TGFBR2: variants seen among roughly 807,000 people sequenced by gnomAD.
The protein encoded by TGFBR2 is transforming growth factor beta receptor 2.
In TGFBR2, 18 loss-of-function variants were observed where a neutral mutation model predicts 49.0. The observed-to-expected ratio is 0.37, with a 90% confidence interval of 0.25 to 0.54. The LOEUF (loss-of-function observed/expected upper bound fraction) is 0.54. TGFBR2 is among the 20% of genes least tolerant of loss of function. TGFBR2 has a pLI of 0.85. For missense variants in TGFBR2, 525 were observed against 722.6 expected (o/e 0.73, Z 3.13); for synonymous variants, 282 against 275.9 (o/e 1.02, Z -0.22).
intron 1 of TGFBR2, among the ~76,000 whole-genome samples, chr3:30,614,475 T>C (rs894273191): frequency 7.2e-5 from 11 of 152,216 alleles, no homozygotes; most frequent in African/African-American, 2.7e-4. Flanking sequence ...CTTCATTTCC[T>C]ATGGGGCGAT....
At chr3:30,657,699 G>A (rs1350023516) in intron 3 of TGFBR2, among the ~76,000 whole-genome samples, 1 of 152,094 alleles carries the variant, frequency 6.6e-6, no homozygotes, top group Non-Finnish European at 1.5e-5. Flanking sequence ...TCTTATCTTT[G>A]CCTTTAGCTG....
In TGFBR2 at chr3:30,672,583, T is replaced by C; in HGVS notation, c.1254+146T>C. On this transcript the variant is annotated intron_variant, in intron 4 of 6. Transcript: ENST00000295754. The surrounding 1 kb of genome is among the most constrained non-coding windows in gnomAD (Gnocchi z 4.5). ...TCTAGCCAAAGTATGGAGTCTGCCT[T>C]GAGCATACTCTGCTCTGTCCTGCCT... 1.1e-6 allele frequency: 1 copy of C among 904,056 alleles called. No individual in the cohort carries two copies. The highest frequency in any genetic ancestry group is 2.5e-5 in the East Asian group (1 of 40,468). The allele number at this position is 904,056 out of a possible 1,614,324, so 56.0% of individuals were successfully genotyped here.
At position 30,692,602 on chromosome 3, in the gene TGFBR2, A is replaced by G. The variant is rs977982781; in HGVS notation, c.*1003A>G. The G allele has an allele frequency of 1.3e-5, 3 of 233,010 alleles. No homozygotes were observed. The highest frequency in any genetic ancestry group is 1.7e-5 in the Non-Finnish European group (2 of 117,940). The allele number at this position is 233,010 out of a possible 1,614,324, so 14.4% of individuals were successfully genotyped here. On this transcript the variant is annotated 3_prime_UTR_variant, in exon 7 of 7. Coordinates refer to ENST00000295754, the MANE Select transcript of TGFBR2 (RefSeq NM_003242.6). ...TAGGCTTTATCGTGTTTACTTTTTC[A>G]TTACACTTGACTTGATTTTCTAGTT...
chr3:30,671,169 G>C (rs1206104987), intron 3 of TGFBR2, among the ~76,000 whole-genome samples: 1 of 152,192 alleles, frequency 6.6e-6, no homozygotes, highest in Non-Finnish European at 1.5e-5. Flanking sequence ...TTGAGGACCT[G>C]CTGTGTGCTA....
In TGFBR2 at chr3:30,642,220, A is replaced by G. The variant is rs1473407960; in HGVS notation, c.95-2527A>G. On this transcript the variant is annotated intron_variant, in intron 1 of 6. Coordinates refer to ENST00000295754, the MANE Select transcript of TGFBR2 (RefSeq NM_003242.6). ...GAGCTAATCACCTCTCCTTAGGTGCATGTTTTTCACAAGGGAACTAATTCC... is the reference window on the plus strand; with the variant it reads ...GAGCTAATCACCTCTCCTTAGGTGCGTGTTTTTCACAAGGGAACTAATTCC... Among the ~76,000 whole-genome samples, 4 of 151,852 alleles carry G rather than the reference A, an allele frequency of 2.6e-5. No homozygotes were observed. The East Asian group carries it at 7.7e-4, about 29-fold the overall frequency.
At chr3:30,645,489 T>G (rs1224949932) in intron 2 of TGFBR2, among the ~76,000 whole-genome samples, 3 of 138,100 alleles carry the variant, frequency 2.2e-5, no homozygotes, top group Non-Finnish European at 4.8e-5. Context: ...AACTACATAT[T>G]TCTTTTTTTT....
At chr3:30,653,832 G>A (rs1399209290) in intron 3 of TGFBR2, among the ~76,000 whole-genome samples, 1 of 152,188 alleles carries the variant, frequency 6.6e-6, no homozygotes, top group Non-Finnish European at 1.5e-5. Flanking sequence ...TCGCTGTGCA[G>A]GGAGCTCAGC....
chr3:30,616,919 G>A (rs1340909681), intron 1 of TGFBR2, among the ~76,000 whole-genome samples: 1 of 152,098 alleles, frequency 6.6e-6, no homozygotes, highest in Non-Finnish European at 1.5e-5. Flanking sequence ...ACTTGGTTTT[G>A]GTGGTAATAT....
chr3:30,692,009 G>T lies in TGFBR2; in HGVS notation c.*410G>T. The T allele has an allele frequency of 4.5e-6, 1 of 221,254 alleles. No homozygotes were observed. The highest frequency in any genetic ancestry group is 6.7e-5 in the East Asian group (1 of 14,990). The allele number at this position is 221,254 out of a possible 1,614,324, so 13.7% of individuals were successfully genotyped here. On this transcript the variant is annotated 3_prime_UTR_variant, in exon 7 of 7. Transcript: ENST00000295754. Reference sequence around the variant, plus strand: ...AAACATCAAATATTCCCAGGAAATTGGTTTTATTGGAGAACTCCAGAACCA... The same window carrying T: ...AAACATCAAATATTCCCAGGAAATTTGTTTTATTGGAGAACTCCAGAACCA...
In TGFBR2 at chr3:30,691,744, AAAC is replaced by A. The variant is rs772416591; in HGVS notation, c.*150_*152del. On this transcript the variant is annotated 3_prime_UTR_variant, in exon 7 of 7. Coordinates refer to ENST00000295754, the MANE Select transcript of TGFBR2 (RefSeq NM_003242.6). ...CCCTGTAAGCTGTGGGGATAAGCAGAAACAACAGCAGCAGGGAGTGGGTGACAT... is the reference window on the plus strand; with the variant it reads ...CCCTGTAAGCTGTGGGGATAAGCAGAAACAGCAGCAGGGAGTGGGTGACAT... 21 of 842,630 alleles carry A rather than the reference AAAC, an allele frequency of 2.5e-5. No individual in the cohort carries two copies. The highest frequency in any genetic ancestry group is 4.1e-5 in the Non-Finnish European group (21 of 508,396). The allele number at this position is 842,630 out of a possible 1,614,324, so 52.2% of individuals were successfully genotyped here.
chr3:30,636,418 T>C (rs1386144308), intron 1 of TGFBR2, among the ~76,000 whole-genome samples: 5 of 152,114 alleles, frequency 3.3e-5, no homozygotes, highest in African/African-American at 1.2e-4. Context: ...GGTCTCCCTA[T>C]TAGGTATTGT....
chr3:30,619,989 C>T (rs17025741), intron 1 of TGFBR2, among the ~76,000 whole-genome samples: 75,695 of 151,932 alleles, frequency 0.5, 19,203 homozygotes, highest in African/African-American at 0.59. Context: ...AGATCGAGAC[C>T]ATCCTCGCTA....
intron 1 of TGFBR2, among the ~76,000 whole-genome samples, chr3:30,618,225 T>C (rs1575131315): frequency 6.7e-6 from 1 of 149,408 alleles, no homozygotes; most frequent in South Asian, 2.1e-4. Flanking sequence ...TTCTTTTTTC[T>C]TTCTTGTTTT....
Position 30,681,339 on chromosome 3 carries a change from G to A in TGFBR2, c.1397-7045G>A, listed in dbSNP as rs143933414. 2.9e-4 allele frequency among the ~76,000 whole-genome samples: 44 copies of A among 152,118 alleles called. 1 individual carries two copies. The East Asian group carries it at 8.3e-3, about 29-fold the overall frequency. On this transcript the variant is annotated intron_variant, in intron 5 of 6. Coordinates refer to ENST00000295754, the MANE Select transcript of TGFBR2 (RefSeq NM_003242.6). ...GTCTGGAAAGCAGATATGAAAACTCGGGGGTACTGCTTTGGGGAAAACCAT... is the reference window on the plus strand; with the variant it reads ...GTCTGGAAAGCAGATATGAAAACTCAGGGGTACTGCTTTGGGGAAAACCAT...
At chr3:30,658,404 G>A (rs950063400) in intron 3 of TGFBR2, among the ~76,000 whole-genome samples, 12 of 152,164 alleles carry the variant, frequency 7.9e-5, no homozygotes, top group East Asian at 1.9e-4. Flanking sequence ...TGTTGTTGTC[G>A]TTGTTGTTGT....
chr3:30,662,699 A>G (rs1196658196), intron 3 of TGFBR2, among the ~76,000 whole-genome samples: 1 of 152,182 alleles, frequency 6.6e-6, no homozygotes, highest in African/African-American at 2.4e-5. Flanking sequence ...GGGGAAGCAT[A>G]TCTCATTCTA....
intron 1 of TGFBR2, chr3:30,623,235 G>T: frequency 6.2e-7 from 1 of 1,611,240 alleles, no homozygotes; most frequent in Non-Finnish European, 8.5e-7. Flanking sequence ...GAAATCATCT[G>T]CCCCAGCTGT....
At chr3:30,683,870 T>G (rs916820529) in intron 5 of TGFBR2, among the ~76,000 whole-genome samples, 3 of 152,156 alleles carry the variant, frequency 2.0e-5, no homozygotes, top group African/African-American at 7.2e-5. Flanking sequence ...CTCTGTTACA[T>G]GAGGTCTCAT....
intron 1 of TGFBR2, among the ~76,000 whole-genome samples, chr3:30,637,005 A>G (rs778030002): frequency 6.6e-6 from 1 of 150,432 alleles, no homozygotes; most frequent in Non-Finnish European, 1.5e-5. Context: ...CAGAGCTTAT[A>G]GTGAGCCGAG....
Sources: gnomAD v4.1 joint callset for allele counts (sites outside exome capture counted in the v4.1 genomes callset) on GRCh38, gnomAD v4.1.1 for gene constraint, Gnocchi (gnomAD v3.1) non-coding constraint, MANE v1.5 for transcripts, NCBI Gene and HGNC (gene_info 2026-07-23, HGNC 2026-07-21) for gene names.